PDE4D: variants seen among roughly 807,000 people sequenced by gnomAD.
PDE4D encodes phosphodiesterase 4D.
Under a neutral mutation model 87.4 loss-of-function variants are expected in PDE4D, and 24 were observed. The ratio of observed to expected loss-of-function variants is 0.27; its 90% CI spans 0.20 to 0.39. The LOEUF is 0.39. Ranked by LOEUF, PDE4D falls within the 10% of genes least tolerant of loss-of-function variation. The probability of loss-of-function intolerance (pLI) is 1.00; values close to 1 mark genes in which losing one functional copy is unlikely to be tolerated. For missense variants in PDE4D, 714 were observed against 1,041.0 expected, an observed-to-expected ratio of 0.69 and a Z score of 4.32; for synonymous variants, 384 against 383.2, an observed-to-expected ratio of 1.00 and a Z score of -0.02.
At chr5:59,895,381 T>G (rs1751523990), upstream of PDE4D, among the ~76,000 whole-genome samples, 1 of 152,226 alleles carries the variant, frequency 6.6e-6, no homozygotes, top group Non-Finnish European at 1.5e-5. Context: ...AGCCCTCTGC[T>G]CATATGTGGA....
chr5:59,946,976 T>A (rs1757786734), intron 3 of PDE4D, among the ~76,000 whole-genome samples: 1 of 152,202 alleles, frequency 6.6e-6, no homozygotes, highest in Non-Finnish European at 1.5e-5. Context: ...TTCTCTTACA[T>A]CCCTGTTTTT....
intron 11 of PDE4D, among the ~76,000 whole-genome samples, chr5:58,981,743 G>A (rs10041537): frequency 0.16 from 24,285 of 151,918 alleles, 2,079 homozygotes; most frequent in Admixed American, 0.19. Context: ...TCTTTACCTG[G>A]TGGGGTGACC....
intron 2 of PDE4D, among the ~76,000 whole-genome samples, chr5:60,153,294 T>C (rs1781677607): frequency 6.6e-6 from 1 of 152,140 alleles, no homozygotes; most frequent in Admixed American, 6.5e-5. Context: ...TCACTAATCA[T>C]CAGGGAAATG....
chr5:60,513,112 A>G (rs1191559115), intron 1 of PDE4D, among the ~76,000 whole-genome samples: 1 of 152,226 alleles, frequency 6.6e-6, no homozygotes, highest in Non-Finnish European at 1.5e-5. Context: ...TAAACAAAAC[A>G]CAAATATAAT....
At chr5:59,909,804 TC>T (rs952699153) in intron 3 of PDE4D, among the ~76,000 whole-genome samples, 9 of 152,160 alleles carry the variant, frequency 5.9e-5, no homozygotes, top group Non-Finnish European at 1.2e-4. Flanking sequence ...GCTATCCTTG[TC>T]CCCTGTAGAA....
chr5:59,005,521 G>A (rs1361544293), intron 6 of PDE4D, among the ~76,000 whole-genome samples: 7 of 152,024 alleles, frequency 4.6e-5, no homozygotes, highest in East Asian at 1.9e-4. Context: ...CTATTGCCAC[G>A]GTAGCTGCTA....
At chr5:59,846,706 G>C (rs976315693) in intron 1 of PDE4D, among the ~76,000 whole-genome samples, 1 of 151,926 alleles carries the variant, frequency 6.6e-6, no homozygotes, top group Admixed American at 6.6e-5. Flanking sequence ...GGAGTAGAGA[G>C]CTCCTGGGCC....
intron 1 of PDE4D, among the ~76,000 whole-genome samples, chr5:60,250,862 A>C (rs917648052): frequency 6.6e-6 from 1 of 151,994 alleles, no homozygotes; most frequent in Non-Finnish European, 1.5e-5. Context: ...ATAAGAAGGC[A>C]TGGTCATCAG....
chr5:59,390,036 T>C (rs1191407632), intron 1 of PDE4D, among the ~76,000 whole-genome samples: 1 of 152,116 alleles, frequency 6.6e-6, no homozygotes, highest in Non-Finnish European at 1.5e-5. Flanking sequence ...TTTGAGGTGA[T>C]GGTTATCTTA....
intron 3 of PDE4D, among the ~76,000 whole-genome samples, chr5:59,972,691 C>G (rs957082140): frequency 6.6e-6 from 1 of 152,188 alleles, no homozygotes; most frequent in African/African-American, 2.4e-5. Context: ...TTCAATAAGA[C>G]TAACAGTTCA....
At chr5:60,475,660 A>T (rs2150204601) in intron 1 of PDE4D, among the ~76,000 whole-genome samples, 1 of 152,280 alleles carries the variant, frequency 6.6e-6, no homozygotes, top group South Asian at 2.1e-4. Flanking sequence ...ATTATATACT[A>T]GAAATGTTTC....
intron 1 of PDE4D, among the ~76,000 whole-genome samples, chr5:59,642,469 G>C (rs1429433041): frequency 6.6e-6 from 1 of 152,042 alleles, no homozygotes; most frequent in Non-Finnish European, 1.5e-5. Context: ...CACCCGGTGG[G>C]AGATAATTTG....
At chr5:59,479,943 G>A (rs1251502932) in intron 1 of PDE4D, among the ~76,000 whole-genome samples, 1 of 152,040 alleles carries the variant, frequency 6.6e-6, no homozygotes, top group Non-Finnish European at 1.5e-5. Context: ...CTACAGTGGG[G>A]AGAGTATGCA....
At chr5:59,437,577 T>C (rs1796960596) in intron 1 of PDE4D, among the ~76,000 whole-genome samples, 1 of 152,216 alleles carries the variant, frequency 6.6e-6, no homozygotes, top group African/African-American at 2.4e-5. Context: ...AACAAGGCTC[T>C]ATATTTGGTT....
chr5:59,155,846 C>A, intron 5 of PDE4D, among the ~76,000 whole-genome samples: 1 of 152,108 alleles, frequency 6.6e-6, no homozygotes, highest in Middle Eastern at 3.4e-3. Flanking sequence ...CAGTAAGAGA[C>A]CTATGGATAA....
At chr5:59,204,365 A>G (rs558475659) in intron 2 of PDE4D, among the ~76,000 whole-genome samples, 1 of 152,348 alleles carries the variant, frequency 6.6e-6, no homozygotes, top group Admixed American at 6.5e-5. Context: ...GTCATGAGAA[A>G]ACAATTTAGG....
intron 5 of PDE4D, among the ~76,000 whole-genome samples, chr5:59,133,947 C>T (rs562042447): frequency 1.3e-5 from 2 of 151,890 alleles, no homozygotes; most frequent in South Asian, 4.2e-4. Flanking sequence ...ACGACACAGC[C>T]TCACAGGCAA....
intron 1 of PDE4D, among the ~76,000 whole-genome samples, chr5:59,712,675 G>A (rs890394179): frequency 6.6e-5 from 10 of 151,048 alleles, no homozygotes; most frequent in East Asian, 3.9e-4. Flanking sequence ...ATGTATATAC[G>A]CTATAGGGTT....
At chr5:59,705,261 C>T (rs749203866) in intron 1 of PDE4D, among the ~76,000 whole-genome samples, 2 of 152,160 alleles carry the variant, frequency 1.3e-5, no homozygotes, top group Non-Finnish European at 2.9e-5. Flanking sequence ...CCTTAATAAC[C>T]AAACTGTTGT....
Sources: gnomAD v4.1 joint callset for allele counts (sites outside exome capture counted in the v4.1 genomes callset) on GRCh38, gnomAD v4.1.1 for gene constraint, MANE v1.5 for transcripts, NCBI Gene and HGNC (gene_info 2026-07-23, HGNC 2026-07-21) for gene names.